The following NOL11 variants were observed in gnomAD, a reference collection of about 807,000 sequenced individuals.
NOL11 encodes the protein nucleolar protein 11.
NOL11 carries 42 observed loss-of-function variants against 93.0 expected under a neutral mutation model. The ratio of observed to expected loss-of-function variants is 0.45; its 90% CI spans 0.35 to 0.58. The LOEUF (loss-of-function observed/expected upper bound fraction) is 0.58, where lower values mean the gene tolerates loss of function less well. Among genes scored for constraint, NOL11 ranks in the 20% least tolerant of loss-of-function variants. The probability of loss-of-function intolerance (pLI) is 0.00; values close to 1 mark genes in which losing one functional copy is unlikely to be tolerated. For synonymous variants in NOL11, 296 were observed against 293.7 expected (o/e 1.01, Z -0.08); for missense variants, 775 against 841.8 (o/e 0.92, Z 0.98).
chr17:67,734,566 C>T (rs1216220428), intron 8 of NOL11, 127 bp downstream of exon 8: 4 of 619,010 alleles, frequency 6.5e-6, no homozygotes, highest in Non-Finnish European at 1.2e-5. Context: ...TCAAGTGATC[C>T]TCCTGCTTCA....
At chr17:67,723,408 G>A (rs1297086551) in intron 5 of NOL11, among the ~76,000 whole-genome samples, 2 of 27,796 alleles carry the variant, frequency 7.2e-5, no homozygotes, top group African/African-American at 1.5e-4. Flanking sequence ...TTTTTTTTTT[G>A]AGACGATTCT....
At chr17:67,741,190 C>T (rs2055253798) in intron 16 of NOL11, among the ~76,000 whole-genome samples, 1 of 152,198 alleles carries the variant, frequency 6.6e-6, no homozygotes, top group South Asian at 2.1e-4. Flanking sequence ...CTGCCTCAGC[C>T]TCCTGAGTAG....
At position 67,726,658 on chromosome 17, in the gene NOL11, A is replaced by G; in HGVS notation, c.853+10A>G. On this transcript the variant is annotated intron_variant, in intron 7 of 17. Coordinates refer to ENST00000253247, the MANE Select transcript of NOL11 (RefSeq NM_015462.5). ...CTAGCAGCTTCTAAGGGTAACTGAC[A>G]TCCAATTCATTAAGAAGGCCTTTGT... 1 of 1,561,982 alleles carries G rather than the reference A, an allele frequency of 6.4e-7. No individual in the cohort carries two copies. Among genetic ancestry groups the G allele is most frequent in the Non-Finnish European group, 8.6e-7 (1 of 1,156,604 alleles).
intron 6 of NOL11, among the ~76,000 whole-genome samples, chr17:67,725,253 C>T (rs568462581): frequency 7.2e-5 from 11 of 152,224 alleles, no homozygotes; most frequent in African/African-American, 2.6e-4. Flanking sequence ...TTAGTATGCC[C>T]TTCCTTGAAT....
chr17:67,729,225 A>G (rs2055128465), intron 7 of NOL11, among the ~76,000 whole-genome samples: 2 of 151,326 alleles, frequency 1.3e-5, no homozygotes, highest in Middle Eastern at 3.4e-3. Context: ...CTCCCAAGTA[A>G]CTGGGATTAC....
chr17:67,729,669 C>G (rs1299982677), intron 7 of NOL11, among the ~76,000 whole-genome samples: 7 of 152,164 alleles, frequency 4.6e-5, no homozygotes, highest in African/African-American at 1.7e-4. Context: ...AGCTCCGCCC[C>G]CCGGGTTCAT....
intron 9 of NOL11, 142 bp from the exon 10 acceptor site, chr17:67,736,524 T>G (rs780014310): frequency 1.2e-5 from 7 of 597,582 alleles, no homozygotes; most frequent in Middle Eastern, 7.1e-4. Context: ...GATTTTCTTA[T>G]CTGAGGTTAT....
chr17:67,740,865 C>T (rs2055249784), intron 16 of NOL11: 1 of 153,368 alleles, frequency 6.5e-6, no homozygotes, highest in African/African-American at 2.4e-5. Flanking sequence ...ATTTTAAACA[C>T]TTAAGTTGGC....
chr17:67,722,173 T>G (rs893316098), intron 4 of NOL11, among the ~76,000 whole-genome samples: 1 of 152,234 alleles, frequency 6.6e-6, no homozygotes, highest in Non-Finnish European at 1.5e-5. Flanking sequence ...TGAGTTCTAG[T>G]TGCTGCTTTG....
chr17:67,733,834 C>T (rs934838939), intron 7 of NOL11, among the ~76,000 whole-genome samples: 1 of 152,104 alleles, frequency 6.6e-6, no homozygotes, highest in African/African-American at 2.4e-5. Context: ...CCTTTCATCC[C>T]TGGAGTCAAT....
intron 1 of NOL11, 27 bp downstream of exon 1, chr17:67,718,115 C>A: frequency 6.2e-7 from 1 of 1,603,542 alleles, no homozygotes; most frequent in South Asian, 1.1e-5. Flanking sequence ...TGGGAGCGCC[C>A]CGACTGCCTT....
Position 67,739,580 on chromosome 17 carries a change from C to G in NOL11, c.1907C>G (p.Pro636Arg). The G allele has an allele frequency of 6.3e-7, 1 of 1,597,620 alleles. No individual in the cohort carries two copies. Among genetic ancestry groups the G allele is most frequent in the Non-Finnish European group, 8.5e-7 (1 of 1,171,820 alleles). ...KCSENATMTLPGIHPPTLNQI... is the reference protein window; with the variant it reads ...KCSENATMTLRGIHPPTLNQI... ...AGCGAAAATGCTACTATGACTCTTC[C>G]TGGAATACACCCACCTACCTTGAAC... The change falls in exon 16 of 18, where the codon CCT (proline) becomes CGT (arginine). Residue 636 changes from proline to arginine, a missense_variant. Physicochemically the swap from Pro to Arg is moderately radical, Grantham distance 103 (BLOSUM62 -2). Around this residue, in one of 2 missense-constraint regions of NOL11, gnomAD observed 416 missense variants for 525.2 expected, o/e 0.79. Transcript: ENST00000253247.
intron 7 of NOL11, among the ~76,000 whole-genome samples, chr17:67,729,866 A>C (rs1198198036): frequency 1.3e-5 from 2 of 152,196 alleles, no homozygotes; most frequent in Admixed American, 1.3e-4. Context: ...GGCGTGAGCC[A>C]CCGCGCCCGG....
At chr17:67,724,456 C>G (rs1223649090) in intron 6 of NOL11, among the ~76,000 whole-genome samples, 1 of 151,926 alleles carries the variant, frequency 6.6e-6, no homozygotes, top group Non-Finnish European at 1.5e-5. Flanking sequence ...GCCTCAGCCT[C>G]CTGAGTAGCT....
Position 67,737,558 on chromosome 17 carries a change from G to A in NOL11, c.1269G>A (p.Leu423=), listed in dbSNP as rs2055213813. ...TAGAAGTACGGAAATTTTTGGCTCT[G>A]AAGCAGACACCTGACTTTCATACTG... ...IEVEVRKFLA[L]KQTPDFHTVI... The change falls in exon 12 of 18, where the codon CTG becomes CTA. Residue 423 remains leucine (L), a synonymous_variant. Transcript: ENST00000253247. The A allele has an allele frequency of 1.2e-6, 2 of 1,612,318 alleles. No individual in the cohort carries two copies. The highest frequency in any genetic ancestry group is 1.1e-5 in the South Asian group (1 of 90,546).
rs1261831063 is a variant in NOL11, at chr17:67,717,953, A to C, written c.6A>C (p.Ala2=). The change falls in exon 1 of 18, where the codon GCA becomes GCC. Residue 2 remains alanine, a synonymous_variant. Transcript: ENST00000253247. The part of the protein sequence containing the change: M[A]ALEEEFTLSS... Reference sequence around the variant, plus strand: ...CGTACTTAGGTTTGCTCAAAATGGCAGCGCTGGAGGAAGAATTCACGTTGT... The same window carrying C: ...CGTACTTAGGTTTGCTCAAAATGGCCGCGCTGGAGGAAGAATTCACGTTGT... 6.2e-7 allele frequency: 1 copy of C among 1,614,118 alleles called. No individual in the cohort carries two copies.
Position 67,721,535 on chromosome 17 carries a change from C to T in NOL11, c.461+9C>T. ...GATGAAGAAGTGATTAAGTAAGTTC[C>T]AGTACTTGTAAGTAAATTTATCAAA... On this transcript the variant is annotated intron_variant, in intron 4 of 17. Transcript: ENST00000253247. 6.2e-7 allele frequency: 1 copy of T among 1,602,848 alleles called. No homozygotes were observed. The highest frequency in any genetic ancestry group is 8.5e-7 in the Non-Finnish European group (1 of 1,174,974).
In NOL11 at chr17:67,719,964, TAA is replaced by T. The variant is rs2043205684; in HGVS notation, c.312+3_312+4del. ...CTGGATAAAGTATTTAAAGCTACAG[TAA>T]GTCTTTGAATTTTCCAACATATTTG... On this transcript the variant is annotated splice_donor_region_variant and intron_variant, in intron 3 of 17. Coordinates refer to ENST00000253247, the MANE Select transcript of NOL11 (RefSeq NM_015462.5). 6.4e-7 allele frequency: 1 copy of T among 1,553,126 alleles called. No homozygotes were observed. Among genetic ancestry groups the T allele is most frequent in the African/African-American group, 1.4e-5 (1 of 72,502 alleles).
Position 67,743,732 on chromosome 17 carries a change from C to T in NOL11, c.2044-11C>T, listed in dbSNP as rs1442666578. On this transcript the variant is annotated splice_polypyrimidine_tract_variant and intron_variant, in intron 17 of 17. Transcript: ENST00000253247. ...TTATGGTAAAAGTTACTCTGAAACTCTTTTCTTTAGATATCTGTTTATTCT... is the reference window on the plus strand; with the variant it reads ...TTATGGTAAAAGTTACTCTGAAACTTTTTTCTTTAGATATCTGTTTATTCT... The T allele has an allele frequency of 7.0e-7, 1 of 1,433,418 alleles. No homozygotes were observed. Among genetic ancestry groups the T allele is most frequent in the Non-Finnish European group, 9.5e-7 (1 of 1,056,908 alleles). The allele number at this position is 1,433,418 out of a possible 1,614,324, so 88.8% of individuals were successfully genotyped here. A position where few individuals can be genotyped will look rare whatever the true frequency, so the allele number is the denominator to read the frequency against.
Sources: allele counts gnomAD v4.1 joint callset (sites outside exome capture counted in the v4.1 genomes callset), GRCh38; gene constraint gnomAD v4.1.1; regional missense constraint gnomAD v4.1.1; transcripts MANE v1.5; gene names NCBI Gene and HGNC (gene_info 2026-07-23, HGNC 2026-07-21).